SLC6A13: variants seen among roughly 807,000 people sequenced by gnomAD.
SLC6A13 encodes the protein solute carrier family 6 member 13.
SLC6A13 carries 69 observed loss-of-function variants against 72.9 expected under a neutral mutation model. The ratio of observed to expected loss-of-function variants is 0.95; its 90% CI spans 0.78 to 1.16. The LOEUF is 1.16. SLC6A13 is among the 50% of genes most tolerant of loss of function. SLC6A13 has a pLI of 0.00. For missense variants in SLC6A13, 735 were observed against 760.5 expected (o/e 0.97, Z 0.39); for synonymous variants, 303 against 303.0 (o/e 1.00, Z 0.00).
intron 2 of SLC6A13, among the ~76,000 whole-genome samples, chr12:255,056 G>C (rs906933552): frequency 3.3e-5 from 5 of 152,204 alleles, no homozygotes; most frequent in African/African-American, 1.2e-4. Context: ...CTCAGTGAAT[G>C]GCAGCTCCTT....
chr12:228,454 G>A (rs151222137), intron 7 of SLC6A13, among the ~76,000 whole-genome samples: 300 of 152,222 alleles, frequency 2.0e-3, no homozygotes, highest in African/African-American at 6.7e-3. Flanking sequence ...CGCTATGGAC[G>A]CAGACATCCA....
At chr12:250,886 C>G (rs1020491575) in intron 2 of SLC6A13, among the ~76,000 whole-genome samples, 1 of 143,060 alleles carries the variant, frequency 7.0e-6, no homozygotes, top group African/African-American at 2.6e-5. Context: ...TGGCTCATTT[C>G]TTTTTGGGAG....
chr12:254,645 A>G lies in SLC6A13; in HGVS notation c.202+5206T>C, dbSNP rs1942676215. Among the ~76,000 whole-genome samples, 1 of 152,018 alleles carries G rather than the reference A, an allele frequency of 6.6e-6. No homozygotes were observed. The highest frequency in any genetic ancestry group is 1.5e-5 in the Non-Finnish European group (1 of 68,014). On this transcript the variant is annotated intron_variant, in intron 2 of 14. Coordinates refer to ENST00000343164, the MANE Select transcript of SLC6A13 (RefSeq NM_016615.5). This position sits in a 1 kb window ranked among gnomAD's most constrained non-coding sequence, Gnocchi z 4.4. ...TTTCTGTCTCCTCTGCTGGTTTCCC[A>G]TCTTCTCCCAGACCCACTAAAGGTC...
chr12:249,791 T>C (rs1224621211), intron 2 of SLC6A13, among the ~76,000 whole-genome samples: 1 of 151,984 alleles, frequency 6.6e-6, no homozygotes, highest in Non-Finnish European at 1.5e-5. Flanking sequence ...AGCAGACAAA[T>C]ACATTATAAG....
intron 1 of SLC6A13, among the ~76,000 whole-genome samples, chr12:262,479 G>C (rs1431871793): frequency 6.6e-6 from 1 of 152,204 alleles, no homozygotes; most frequent in Non-Finnish European, 1.5e-5. Flanking sequence ...AGTCCTGTCA[G>C]AGTTGATCAT....
At chr12:246,122 A>C (rs1442056045) in intron 2 of SLC6A13, among the ~76,000 whole-genome samples, 1 of 135,610 alleles carries the variant, frequency 7.4e-6, no homozygotes, top group Non-Finnish European at 1.6e-5. Flanking sequence ...CATCTCAAAA[A>C]ATAAAAGTAA....
At chr12:232,091 C>T (rs1941731102) in intron 7 of SLC6A13, among the ~76,000 whole-genome samples, 1 of 152,160 alleles carries the variant, frequency 6.6e-6, no homozygotes, top group African/African-American at 2.4e-5. Flanking sequence ...TGAAATAATG[C>T]ATGTAAGCCT....
At chr12:223,665 C>T in intron 11 of SLC6A13, 1 of 362,208 alleles carries the variant, frequency 2.8e-6, no homozygotes, top group Non-Finnish European at 5.1e-6. Flanking sequence ...GAAGTTTGTA[C>T]ATAGAACTTG....
chr12:258,149 C>G (rs1423947147), intron 2 of SLC6A13, among the ~76,000 whole-genome samples: 2 of 152,208 alleles, frequency 1.3e-5, no homozygotes, highest in Non-Finnish European at 2.9e-5. Flanking sequence ...ACAGTGCAAA[C>G]TGAGCAAAGT....
At position 235,133 on chromosome 12, in the gene SLC6A13, T is replaced by C; in HGVS notation, c.788A>G (p.Gln263Arg). 2 of 1,614,238 alleles carry C rather than the reference T, an allele frequency of 1.2e-6. No individual in the cohort carries two copies. The highest frequency in any genetic ancestry group is 3.3e-5 in the Admixed American group (2 of 60,036). ...VTLPGAAQGI[Q>R]FYLYPNLTRL... ...CGTGAGGTTTGGGTACAGGTAAAAC[T>C]GAATTCCTTGGGCTGCCCCAGGCAA... The change falls in exon 7 of 15, where the codon CAG (glutamine) becomes CGG (arginine). Residue 263 changes from glutamine to arginine, a missense_variant. Coordinates refer to ENST00000343164, the MANE Select transcript of SLC6A13 (RefSeq NM_016615.5).
chr12:230,448 T>C (rs1470495744), intron 7 of SLC6A13, among the ~76,000 whole-genome samples: 1 of 152,100 alleles, frequency 6.6e-6, no homozygotes, highest in Non-Finnish European at 1.5e-5. Context: ...TATTAATTAC[T>C]GGCTGTGCGA....
chr12:232,958 A>C (rs953805431), intron 7 of SLC6A13, among the ~76,000 whole-genome samples: 2 of 152,074 alleles, frequency 1.3e-5, no homozygotes, highest in Non-Finnish European at 2.9e-5. Flanking sequence ...GTGTGCACAG[A>C]GCTCCCAGCC....
rs373220911 is a variant in SLC6A13, at chr12:227,685, C to A, written c.832-17G>T. On this transcript the variant is annotated splice_polypyrimidine_tract_variant and intron_variant, in intron 7 of 14. Transcript: ENST00000343164. Reference sequence around the variant, plus strand: ...CATCCACACCTACAAAGGGGAAGGGCAAGAAAGGTGAACTCCCAGGAAAGC... The same window carrying A: ...CATCCACACCTACAAAGGGGAAGGGAAAGAAAGGTGAACTCCCAGGAAAGC... 5 of 1,578,280 alleles carry A rather than the reference C, an allele frequency of 3.2e-6. No individual in the cohort carries two copies. In the African/African-American group the frequency reaches 5.4e-5, roughly 17 times the overall value.
At chr12:224,230 A>G in intron 10 of SLC6A13, 101 bp from the exon 11 acceptor site, 1 of 1,510,368 alleles carries the variant, frequency 6.6e-7, no homozygotes, top group Non-Finnish European at 9.1e-7. Flanking sequence ...TGCCAGCCTC[A>G]CTGTCTCAGG....
In SLC6A13 at chr12:248,497, A is replaced by C. The variant is rs1470678447; in HGVS notation, c.203-4684T>G. Reference sequence around the variant, plus strand: ...TAATGTCACACAAAGTAAACTTCAGAGCAAAGAATATTACCAAGGGTAAAG... The same window carrying C: ...TAATGTCACACAAAGTAAACTTCAGCGCAAAGAATATTACCAAGGGTAAAG... On this transcript the variant is annotated intron_variant, in intron 2 of 14. Transcript: ENST00000343164. Among the ~76,000 whole-genome samples the C allele has an allele frequency of 2.6e-5, 4 of 152,080 alleles. No individual in the cohort carries two copies. The East Asian group carries it at 7.7e-4, about 29-fold the overall frequency.
At chr12:249,319 T>C (rs1317761528) in intron 2 of SLC6A13, among the ~76,000 whole-genome samples, 9 of 151,830 alleles carry the variant, frequency 5.9e-5, no homozygotes, top group Non-Finnish European at 2.9e-5. Context: ...AGAGTGGAAA[T>C]CAATAAAATG....
At chr12:226,257 C>G (rs951007734) in intron 9 of SLC6A13, 133 bp downstream of exon 9, 1 of 1,080,294 alleles carries the variant, frequency 9.3e-7, no homozygotes, top group African/African-American at 1.6e-5. Flanking sequence ...CCAAGTCTTC[C>G]CAGAACGCAT....
chr12:224,503 C>T lies in SLC6A13; in HGVS notation c.1071G>A (p.Leu357=). ...CAGCCCGCGGGTAAGCGATGAAAGC[C>T]AGGCCAGGGCCTACGACAAGGAGCA... The part of the protein sequence containing the change: ...ISEVAESGPG[L]AFIAYPRAVV... The change falls in exon 10 of 15, where the codon CTG becomes CTA. Residue 357 remains leucine (L), a synonymous_variant. Transcript: ENST00000343164. The T allele has an allele frequency of 1.2e-6, 2 of 1,613,976 alleles. No homozygotes were observed. The highest frequency in any genetic ancestry group is 1.7e-6 in the Non-Finnish European group (2 of 1,179,912).
chr12:238,111 G>C (rs1223996887), intron 4 of SLC6A13, 101 bp from the exon 5 acceptor site: 10 of 1,562,170 alleles, frequency 6.4e-6, no homozygotes, highest in Non-Finnish European at 7.8e-6. Context: ...GGGAAGGAAG[G>C]TATTTGGCAG....
Sources: allele counts gnomAD v4.1 joint callset (sites outside exome capture counted in the v4.1 genomes callset), GRCh38; gene constraint gnomAD v4.1.1; non-coding constraint Gnocchi (gnomAD v3.1); transcripts MANE v1.5; gene names NCBI Gene and HGNC (gene_info 2026-07-23, HGNC 2026-07-21).